SNRPA: variants seen among roughly 807,000 people sequenced by gnomAD.
SNRPA encodes small nuclear ribonucleoprotein polypeptide A, also known as U1 small nuclear ribonucleoprotein A.
SNRPA carries 10 observed loss-of-function variants against 24.5 expected under a neutral mutation model. The observed-to-expected ratio is 0.41, with a 90% CI of 0.25 to 0.69. The LOEUF is 0.69. Among genes scored for constraint, SNRPA ranks in the 30% least tolerant of loss-of-function variants. SNRPA has a pLI of 0.33. For synonymous variants in SNRPA, 165 were observed against 148.4 expected (o/e 1.11, Z -0.81); for missense variants, 283 against 394.7 (o/e 0.72, Z 2.40).
chr19:40,754,359 C>A (rs1321028790), intron 1 of SNRPA, among the ~76,000 whole-genome samples: 1 of 151,846 alleles, frequency 6.6e-6, no homozygotes, highest in Admixed American at 6.6e-5. Flanking sequence ...CTCGGCCTCC[C>A]AAAGTGCTGG....
chr19:40,754,623 A>G (rs1335071071), intron 1 of SNRPA, among the ~76,000 whole-genome samples: 3 of 152,196 alleles, frequency 2.0e-5, no homozygotes, highest in Non-Finnish European at 4.4e-5. Context: ...CAGCTTGTTC[A>G]GATGTTTAGG....
At chr19:40,761,313 T>G (rs1289639148) in intron 3 of SNRPA, among the ~76,000 whole-genome samples, 1 of 152,072 alleles carries the variant, frequency 6.6e-6, no homozygotes, top group Non-Finnish European at 1.5e-5. Context: ...TAGTTCATGA[T>G]GCGGGGCAGT....
In SNRPA at chr19:40,759,928, C is replaced by A. The variant is rs189929642; in HGVS notation, c.426+318C>A. Among the ~76,000 whole-genome samples, 8 of 152,226 alleles carry A rather than the reference C, an allele frequency of 5.3e-5. No homozygotes were observed. In the East Asian group the frequency reaches 1.5e-3, roughly 29 times the overall value. ...GTAACTCATTGTGCATGTAGAAAAT[C>A]CAAGTGTCTACTAAGCAACTGTTAG... On this transcript the variant is annotated intron_variant, in intron 3 of 5. Coordinates refer to ENST00000243563, the MANE Select transcript of SNRPA (RefSeq NM_004596.5).
intron 2 of SNRPA, 76 bp from the exon 3 acceptor site, chr19:40,759,355 T>A: frequency 1.4e-6 from 2 of 1,438,432 alleles, no homozygotes; most frequent in Non-Finnish European, 1.9e-6. Context: ...TGGCCCCTGA[T>A]AAAGGTCCAA....
At chr19:40,755,519 G>A (rs2082905287) in intron 1 of SNRPA, among the ~76,000 whole-genome samples, 1 of 152,070 alleles carries the variant, frequency 6.6e-6, no homozygotes, top group Non-Finnish European at 1.5e-5. Context: ...TGACCACAAG[G>A]CATGCACCAC....
chr19:40,758,192 C>T (rs1287645235), intron 2 of SNRPA, among the ~76,000 whole-genome samples: 1 of 151,948 alleles, frequency 6.6e-6, no homozygotes, highest in Non-Finnish European at 1.5e-5. Context: ...GTCTCAAACT[C>T]CTGAGCTCAA....
At chr19:40,763,177 G>T in intron 4 of SNRPA, 103 bp downstream of exon 4, 2 of 817,018 alleles carry the variant, frequency 2.4e-6, no homozygotes, top group South Asian at 3.6e-5. Flanking sequence ...GGTCTGGGCA[G>T]GCCCCCTGAG....
chr19:40,756,840 G>GTAAA (rs1212750909), intron 1 of SNRPA, among the ~76,000 whole-genome samples: 2 of 152,194 alleles, frequency 1.3e-5, no homozygotes, highest in African/African-American at 2.4e-5. Context: ...AGGCCACCAT[G>GTAAA]TAAACCTCAG....
intron 1 of SNRPA, 60 bp from the exon 2 acceptor site, chr19:40,757,272 A>T: frequency 6.5e-7 from 1 of 1,547,530 alleles, no homozygotes; most frequent in East Asian, 2.2e-5. Context: ...ATGGTCTTCT[A>T]TTTGGGCTGC....
intron 1 of SNRPA, among the ~76,000 whole-genome samples, chr19:40,751,937 C>G (rs1270580443): frequency 6.6e-6 from 1 of 152,208 alleles, no homozygotes; most frequent in African/African-American, 2.4e-5. Flanking sequence ...GGCTAACGCT[C>G]TGTATCATGG....
At position 40,765,215 on chromosome 19, in the gene SNRPA, C is replaced by G. The variant is rs775928659; in HGVS notation, c.*48C>G. The G allele has an allele frequency of 7.3e-7, 1 of 1,370,374 alleles. No homozygotes were observed. 84.9% of individuals were successfully genotyped at this position (1,370,374 alleles called of 1,614,324 possible). A position where few individuals can be genotyped will look rare whatever the true frequency, so the allele number is the denominator to read the frequency against. Reference sequence around the variant, plus strand: ...CCCTTCCCCTGTTCTGGGGCCACCCCTTTCCCCCTTGGCTCAGCCCCCTGA... The same window carrying G: ...CCCTTCCCCTGTTCTGGGGCCACCCGTTTCCCCCTTGGCTCAGCCCCCTGA... On this transcript the variant is annotated 3_prime_UTR_variant, in exon 6 of 6. Transcript: ENST00000243563.
chr19:40,752,762 A>T (rs1036219442), intron 1 of SNRPA, among the ~76,000 whole-genome samples: 1 of 152,006 alleles, frequency 6.6e-6, no homozygotes, highest in African/African-American at 2.4e-5. Context: ...AAAGGAAAAA[A>T]AAAAAGAACT....
chr19:40,763,743 G>A (rs2082943096), intron 5 of SNRPA, 68 bp downstream of exon 5: 1 of 1,288,482 alleles, frequency 7.8e-7, no homozygotes, highest in South Asian at 1.2e-5. Flanking sequence ...ATGGAAACAG[G>A]CCTCAGAACT....
chr19:40,763,910 C>T (rs1157273490), intron 5 of SNRPA, among the ~76,000 whole-genome samples: 1 of 152,206 alleles, frequency 6.6e-6, no homozygotes, highest in African/African-American at 2.4e-5. Flanking sequence ...TTTTTTCAGC[C>T]TTGTTTGAGG....
chr19:40,765,022 A>G lies in SNRPA; in HGVS notation c.704A>G (p.Lys235Arg). ...SMLFNQFPGF[K>R]EVRLVPGRHD... Reference sequence around the variant, plus strand: ...TTCTCTTTCAGGTTCCCTGGCTTCAAGGAGGTCCGTCTGGTACCCGGGCGG... The same window carrying G: ...TTCTCTTTCAGGTTCCCTGGCTTCAGGGAGGTCCGTCTGGTACCCGGGCGG... The change falls in exon 6 of 6, where the codon AAG (lysine) becomes AGG (arginine). Residue 235 changes from lysine to arginine, a missense_variant. Lys to Arg is a conservative substitution (Grantham distance 26). Coordinates refer to ENST00000243563, the MANE Select transcript of SNRPA (RefSeq NM_004596.5). The G allele has an allele frequency of 6.4e-7, 1 of 1,573,978 alleles. No homozygotes were observed. The highest frequency in any genetic ancestry group is 8.6e-7 in the Non-Finnish European group (1 of 1,162,280).
chr19:40,761,458 C>CTTTTTCT (rs1204455823), intron 3 of SNRPA, among the ~76,000 whole-genome samples: 18 of 85,874 alleles, frequency 2.1e-4, no homozygotes, highest in Admixed American at 3.6e-4. Context: ...TTTTCTTTTT[C>CTTTTTCT]TTTTTTTTTT....
At chr19:40,752,624 C>T (rs1478575602) in intron 1 of SNRPA, among the ~76,000 whole-genome samples, 2 of 142,820 alleles carry the variant, frequency 1.4e-5, no homozygotes, top group African/African-American at 5.2e-5. Context: ...GGGTGGGGTG[C>T]GTCTGTGGTC....
At chr19:40,755,257 C>CTTTTTTTTTT (rs1004235207) in intron 1 of SNRPA, among the ~76,000 whole-genome samples, 155 of 82,542 alleles carry the variant, frequency 1.9e-3, no homozygotes, top group Non-Finnish European at 2.2e-3. Flanking sequence ...TTTTTCTTTT[C>CTTTTTTTTTT]TTTTTTTTTT....
chr19:40,757,279 C>T (rs369890837), intron 1 of SNRPA, 53 bp from the exon 2 acceptor site: 4 of 1,572,700 alleles, frequency 2.5e-6, no homozygotes, highest in African/African-American at 2.7e-5. Flanking sequence ...TCTATTTGGG[C>T]TGCGCTTCTT....
Sources: gnomAD v4.1 joint callset for allele counts (sites outside exome capture counted in the v4.1 genomes callset) on GRCh38, gnomAD v4.1.1 for gene constraint, MANE v1.5 for transcripts, NCBI Gene and HGNC (gene_info 2026-07-23, HGNC 2026-07-21) for gene names.